Variants in ZNF892 observed in about 807,000 individuals in gnomAD.
ZNF892 encodes zinc finger protein 892.
At chr2:95,207,218 C>A in the ZNF892 span, among the ~76,000 whole-genome samples, 1 of 152,222 alleles carries the variant, frequency 6.6e-6, no homozygotes, top group South Asian at 2.1e-4. Context: ...CACCGCAGCC[C>A]GGGAAGGATC....
chr2:95,211,696 A>G, the ZNF892 span: 1 of 398,580 alleles, frequency 2.5e-6, no homozygotes, highest in Non-Finnish European at 4.4e-6. Flanking sequence ...TGTGCCTGAG[A>G]AGCCTAGGAA....
the ZNF892 span, among the ~76,000 whole-genome samples, chr2:95,244,479 A>G: frequency 2.0e-5 from 3 of 152,238 alleles, no homozygotes; most frequent in South Asian, 2.1e-4. Context: ...AACGCATTCA[A>G]TTAAACCAAA....
At chr2:95,207,555 C>G in the ZNF892 span, 1 of 365,992 alleles carries the variant, frequency 2.7e-6, no homozygotes. Context: ...GCTAGGCGTC[C>G]CCGCCGGCTG....
chr2:95,246,558 A>G, the ZNF892 span, among the ~76,000 whole-genome samples: 1 of 152,226 alleles, frequency 6.6e-6, no homozygotes, highest in Non-Finnish European at 1.5e-5. Flanking sequence ...AAATAGGAAG[A>G]GAGGAAGTCA....
At chr2:95,255,477 C>T in the ZNF892 span, among the ~76,000 whole-genome samples, 1 of 152,118 alleles carries the variant, frequency 6.6e-6, no homozygotes, top group Non-Finnish European at 1.5e-5. Context: ...TTTACATTTG[C>T]TGAGGAGTGC....
At chr2:95,247,943 A>G in the ZNF892 span, among the ~76,000 whole-genome samples, 2 of 152,220 alleles carry the variant, frequency 1.3e-5, no homozygotes, top group African/African-American at 4.8e-5. Context: ...TTCTTGGAGA[A>G]CTTAAAACAG....
the ZNF892 span, among the ~76,000 whole-genome samples, chr2:95,259,934 G>A: frequency 1.3e-5 from 2 of 152,288 alleles, no homozygotes; most frequent in South Asian, 2.1e-4. Context: ...ATTCCCACAG[G>A]AGTGCTCCTG....
At chr2:95,207,246 G>C in the ZNF892 span, among the ~76,000 whole-genome samples, 1 of 152,228 alleles carries the variant, frequency 6.6e-6, no homozygotes, top group Non-Finnish European at 1.5e-5. Flanking sequence ...GGTCAAGGGC[G>C]CCGCCTTCCG....
At chr2:95,218,724 G>C in the ZNF892 span, among the ~76,000 whole-genome samples, 1 of 152,160 alleles carries the variant, frequency 6.6e-6, no homozygotes, top group Non-Finnish European at 1.5e-5. Context: ...CACAGTCCTG[G>C]AAGCTGTAAG....
At chr2:95,239,855 C>T in the ZNF892 span, among the ~76,000 whole-genome samples, 7 of 152,178 alleles carry the variant, frequency 4.6e-5, no homozygotes, top group Non-Finnish European at 1.5e-5. Flanking sequence ...GTCTTGAACT[C>T]CTGACCTCAG....
At chr2:95,224,558 A>G in the ZNF892 span, among the ~76,000 whole-genome samples, 3 of 152,118 alleles carry the variant, frequency 2.0e-5, no homozygotes, top group Non-Finnish European at 4.4e-5. Flanking sequence ...ACACACTTTA[A>G]AACAACCAGA....
At chr2:95,254,813 G>C in the ZNF892 span, among the ~76,000 whole-genome samples, 1 of 152,106 alleles carries the variant, frequency 6.6e-6, no homozygotes, top group African/African-American at 2.4e-5. Flanking sequence ...GACTTGGGAG[G>C]GTGTATGTGT....
the ZNF892 span, among the ~76,000 whole-genome samples, chr2:95,241,646 G>A: frequency 6.6e-6 from 1 of 152,158 alleles, no homozygotes; most frequent in Non-Finnish European, 1.5e-5. Context: ...CTGAGGCTGA[G>A]ATGGCTGAAG....
the ZNF892 span, among the ~76,000 whole-genome samples, chr2:95,216,503 A>G: frequency 6.6e-6 from 1 of 152,196 alleles, no homozygotes; most frequent in Non-Finnish European, 1.5e-5. Context: ...TATAGCTTAT[A>G]GTAAAGTTTA....
chr2:95,239,142 A>AG, the ZNF892 span, among the ~76,000 whole-genome samples: 55 of 74,872 alleles, frequency 7.3e-4, no homozygotes, highest in African/African-American at 2.5e-3. Flanking sequence ...TCCGTCTCAA[A>AG]GGAAAAAAAA....
At chr2:95,247,724 A>G in the ZNF892 span, among the ~76,000 whole-genome samples, 1 of 152,384 alleles carries the variant, frequency 6.6e-6, no homozygotes, top group East Asian at 1.9e-4. Flanking sequence ...CAAGTGGCCA[A>G]CAAACATATG....
chr2:95,251,676 A>G, the ZNF892 span, among the ~76,000 whole-genome samples: 1 of 152,272 alleles, frequency 6.6e-6, no homozygotes, highest in African/African-American at 2.4e-5. Flanking sequence ...CTGGACTGCT[A>G]GCCACAGGCT....
At chr2:95,231,271 T>C in the ZNF892 span, among the ~76,000 whole-genome samples, 1 of 152,168 alleles carries the variant, frequency 6.6e-6, no homozygotes, top group Admixed American at 6.5e-5. Context: ...CAAAACCTCA[T>C]GTTGAGTGAA....
At chr2:95,248,370 GA>G in the ZNF892 span, among the ~76,000 whole-genome samples, 2 of 152,104 alleles carry the variant, frequency 1.3e-5, no homozygotes, top group Admixed American at 6.6e-5. Flanking sequence ...GGCAAGGGTT[GA>G]AAAACTAACT....
Sources: gnomAD v4.1 joint callset for allele counts (sites outside exome capture counted in the v4.1 genomes callset) on GRCh38, gnomAD v4.1.1 for gene constraint, MANE v1.5 for transcripts, NCBI Gene and HGNC (gene_info 2026-07-23, HGNC 2026-07-21) for gene names.